SORCS1: variants seen among roughly 807,000 people sequenced by gnomAD.
SORCS1 encodes the protein VPS10 domain-containing receptor SorCS1.
A neutral mutation model predicts 146.1 loss-of-function variants in SORCS1; 60 were observed. The ratio of observed to expected loss-of-function variants is 0.41; its 90% CI spans 0.33 to 0.51. The LOEUF is 0.51. Among genes scored for constraint, SORCS1 ranks in the 20% least tolerant of loss-of-function variants. SORCS1 has a pLI of 0.21. For missense variants in SORCS1, 1,352 were observed against 1,487.6 expected (o/e 0.91, Z 1.50); for synonymous variants, 637 against 584.0 (o/e 1.09, Z -1.31).
At chr10:106,903,897 GAAAC>G (rs929523584) in intron 2 of SORCS1, among the ~76,000 whole-genome samples, 12 of 152,266 alleles carry the variant, frequency 7.9e-5, no homozygotes, top group Admixed American at 2.0e-4. Flanking sequence ...TGGTCTCTCT[GAAAC>G]AAATGATGGG....
At chr10:106,947,255 A>T (rs1954395439) in intron 2 of SORCS1, among the ~76,000 whole-genome samples, 1 of 152,252 alleles carries the variant, frequency 6.6e-6, no homozygotes, top group Non-Finnish European at 1.5e-5. Flanking sequence ...TATCATTTAC[A>T]ATACAAATGC....
At chr10:106,867,836 A>AG (rs1164079671) in intron 2 of SORCS1, among the ~76,000 whole-genome samples, 2 of 152,202 alleles carry the variant, frequency 1.3e-5, no homozygotes, top group Non-Finnish European at 2.9e-5. Flanking sequence ...ACACAATGAC[A>AG]GGATCAAATC....
chr10:107,039,411 GC>G (rs1959065988), intron 1 of SORCS1, among the ~76,000 whole-genome samples: 1 of 150,790 alleles, frequency 6.6e-6, no homozygotes, highest in Non-Finnish European at 1.5e-5. Context: ...ATATAATGTT[GC>G]CCTCTTGTCT....
At chr10:106,904,544 C>T (rs1564794291) in intron 2 of SORCS1, among the ~76,000 whole-genome samples, 1 of 152,188 alleles carries the variant, frequency 6.6e-6, no homozygotes, top group East Asian at 1.9e-4. Flanking sequence ...GGTGCCTAAA[C>T]TGAGACTTGG....
intron 1 of SORCS1, among the ~76,000 whole-genome samples, chr10:107,138,964 G>A (rs144516681): frequency 1.4e-4 from 21 of 152,182 alleles, no homozygotes; most frequent in African/African-American, 4.6e-4. Flanking sequence ...CTCTAGCCAC[G>A]TAAGATGGAG....
At chr10:106,978,669 G>A (rs1956133639) in intron 1 of SORCS1, among the ~76,000 whole-genome samples, 1 of 151,902 alleles carries the variant, frequency 6.6e-6, no homozygotes, top group Non-Finnish European at 1.5e-5. Flanking sequence ...GTGGTGGCGT[G>A]CACCCGTAAT....
chr10:106,613,873 G>A (rs1199031385), intron 21 of SORCS1, among the ~76,000 whole-genome samples: 1 of 151,872 alleles, frequency 6.6e-6, no homozygotes, highest in Non-Finnish European at 1.5e-5. Flanking sequence ...TGCTGGCTCT[G>A]TCCATACCAG....
At chr10:107,109,922 A>T (rs555928252) in intron 1 of SORCS1, among the ~76,000 whole-genome samples, 2 of 152,168 alleles carry the variant, frequency 1.3e-5, no homozygotes, top group Non-Finnish European at 2.9e-5. Context: ...TCTGCCAGAT[A>T]CCCTAGGTCA....
At chr10:107,134,226 T>C (rs937840153) in intron 1 of SORCS1, among the ~76,000 whole-genome samples, 3 of 152,222 alleles carry the variant, frequency 2.0e-5, no homozygotes, top group African/African-American at 7.2e-5. Flanking sequence ...ATTAATTCCA[T>C]CAAGAAGTAA....
chr10:107,007,148 G>T (rs886254345), intron 1 of SORCS1, among the ~76,000 whole-genome samples: 5 of 152,190 alleles, frequency 3.3e-5, no homozygotes, highest in African/African-American at 1.2e-4. Flanking sequence ...TCTTCAAAAG[G>T]TTCATTGACT....
intron 1 of SORCS1, among the ~76,000 whole-genome samples, chr10:107,059,241 C>T (rs1960937289): frequency 6.6e-6 from 1 of 152,128 alleles, no homozygotes; most frequent in South Asian, 2.1e-4. Context: ...CTCCACAGAA[C>T]TAGAATGAGG....
chr10:106,628,158 C>G (rs757382583), intron 19 of SORCS1, among the ~76,000 whole-genome samples: 4 of 152,212 alleles, frequency 2.6e-5, no homozygotes, highest in Non-Finnish European at 5.9e-5. Flanking sequence ...TGAAGCACCT[C>G]TGCCATGAGA....
intron 2 of SORCS1, among the ~76,000 whole-genome samples, chr10:106,856,758 C>A (rs190103083): frequency 2.6e-5 from 4 of 152,296 alleles, no homozygotes; most frequent in African/African-American, 9.6e-5. Flanking sequence ...CACACTGAGC[C>A]TCCTGCAAAC....
intron 2 of SORCS1, among the ~76,000 whole-genome samples, chr10:106,927,745 G>A (rs1953137927): frequency 6.6e-6 from 1 of 152,120 alleles, no homozygotes; most frequent in Admixed American, 6.5e-5. Flanking sequence ...CCCCACCAGA[G>A]TAGCTAGATA....
intron 1 of SORCS1, among the ~76,000 whole-genome samples, chr10:106,988,544 C>CT (rs916507577): frequency 3.1e-4 from 46 of 146,976 alleles, no homozygotes; most frequent in Admixed American, 6.1e-4. Context: ...AATATTCTTA[C>CT]TTTTTTTTTT....
intron 2 of SORCS1, among the ~76,000 whole-genome samples, chr10:106,949,385 G>C (rs1020749492): frequency 5.3e-5 from 8 of 152,266 alleles, no homozygotes; most frequent in Non-Finnish European, 1.0e-4. Flanking sequence ...GCGTGGAGGA[G>C]AAGGGAGGCG....
intron 1 of SORCS1, among the ~76,000 whole-genome samples, chr10:107,121,929 T>C (rs1966436745): frequency 1.3e-5 from 2 of 152,140 alleles, no homozygotes; most frequent in Non-Finnish European, 2.9e-5. Flanking sequence ...ATTTATTATA[T>C]AATAATACAA....
chr10:106,906,953 G>C (rs959128140), intron 2 of SORCS1, among the ~76,000 whole-genome samples: 1 of 152,130 alleles, frequency 6.6e-6, no homozygotes, highest in African/African-American at 2.4e-5. Flanking sequence ...CACAATAAAG[G>C]TATTATAGAC....
chr10:106,931,172 G>C (rs1029498971), intron 2 of SORCS1, among the ~76,000 whole-genome samples: 3 of 152,098 alleles, frequency 2.0e-5, no homozygotes, highest in African/African-American at 7.2e-5. Flanking sequence ...GACTCTCAGG[G>C]ACCAAAAATA....
Sources: gnomAD v4.1 joint callset for allele counts (sites outside exome capture counted in the v4.1 genomes callset) on GRCh38, gnomAD v4.1.1 for gene constraint, MANE v1.5 for transcripts, NCBI Gene and HGNC (gene_info 2026-07-23, HGNC 2026-07-21) for gene names.